The following NR2C2 variants were observed in gnomAD, a reference collection of about 807,000 sequenced individuals.
NR2C2 encodes the protein Nuclear hormone receptor TR4.
A neutral mutation model predicts 62.9 loss-of-function variants in NR2C2; 6 were observed. The ratio of observed to expected loss-of-function variants is 0.10; its 90% confidence interval spans 0.05 to 0.19. NR2C2 has a LOEUF of 0.19. Among genes scored for constraint, NR2C2 ranks in the 10% least tolerant of loss-of-function variants. The probability of loss-of-function intolerance (pLI) is 1.00; values close to 1 mark genes in which losing one functional copy is unlikely to be tolerated. For missense variants in NR2C2, 479 were observed against 762.7 expected (o/e 0.63, Z 4.38); for synonymous variants, 272 against 273.8 (o/e 0.99, Z 0.07).
intron 1 of NR2C2, among the ~76,000 whole-genome samples, chr3:14,986,748 C>T (rs557826531): frequency 6.6e-6 from 1 of 152,236 alleles, no homozygotes; most frequent in South Asian, 2.1e-4. Context: ...AATAAAAAAT[C>T]AAAAATTAGC....
intron 1 of NR2C2, among the ~76,000 whole-genome samples, chr3:14,979,858 T>G (rs1467338459): frequency 6.6e-6 from 1 of 151,944 alleles, no homozygotes; most frequent in Non-Finnish European, 1.5e-5. Context: ...TAAAATATAT[T>G]TTGGGGAGGT....
At chr3:14,948,672 C>T (rs1330745418) in intron 1 of NR2C2, 1 of 152,898 alleles carries the variant, frequency 6.5e-6, no homozygotes, top group African/African-American at 2.4e-5. Context: ...AGGTGGGCTG[C>T]TTCCCTCCGC....
intron 1 of NR2C2, among the ~76,000 whole-genome samples, chr3:14,980,730 T>C (rs1384934035): frequency 6.6e-6 from 1 of 152,188 alleles, no homozygotes; most frequent in Non-Finnish European, 1.5e-5. Context: ...GGTAGCTTTA[T>C]GGCAGGGGTT....
intron 11 of NR2C2, among the ~76,000 whole-genome samples, chr3:15,037,308 C>A (rs1175686417): frequency 1.3e-5 from 2 of 151,950 alleles, no homozygotes; most frequent in Non-Finnish European, 2.9e-5. Flanking sequence ...TGGCCTCAAG[C>A]AGGCCTCCTG....
At chr3:14,951,183 CAG>C (rs2039346223) in intron 1 of NR2C2, among the ~76,000 whole-genome samples, 1 of 152,184 alleles carries the variant, frequency 6.6e-6, no homozygotes, top group Non-Finnish European at 1.5e-5. Flanking sequence ...CTCACCATCA[CAG>C]GGGATTGGAG....
At chr3:15,006,362 A>C (rs1235626875) in intron 2 of NR2C2, among the ~76,000 whole-genome samples, 1 of 152,124 alleles carries the variant, frequency 6.6e-6, no homozygotes, top group Non-Finnish European at 1.5e-5. Flanking sequence ...TTTAGTCAAT[A>C]ATCTTTGCTA....
At chr3:14,975,870 C>T (rs2040189117) in intron 1 of NR2C2, among the ~76,000 whole-genome samples, 1 of 152,098 alleles carries the variant, frequency 6.6e-6, no homozygotes, top group East Asian at 1.9e-4. Flanking sequence ...TTTTTGATTA[C>T]TTATTCTATC....
rs1457607751 is a variant in NR2C2 at position 15,045,348 on chromosome 3, T to TAGGCTGCTTAGACTC, written c.*2347_*2361dup. The TAGGCTGCTTAGACTC allele has an allele frequency of 1.3e-5, 2 of 152,672 alleles. No individual in the cohort carries two copies. Among genetic ancestry groups the TAGGCTGCTTAGACTC allele is most frequent in the African/African-American group, 2.4e-5 (1 of 41,464 alleles). The allele number at this position is 152,672 out of a possible 1,614,324, so 9.5% of individuals were successfully genotyped here. ...TCCCAGGTCATTCAGTGGCAGCCAGTAGGCTGCTTAGACTCAGGCTGGATA... is the reference window on the plus strand; with the variant it reads ...TCCCAGGTCATTCAGTGGCAGCCAGTAGGCTGCTTAGACTCAGGCTGCTTAGACTCAGGCTGGATA... On this transcript the variant is annotated 3_prime_UTR_variant, in exon 14 of 14. Coordinates refer to ENST00000425241, the MANE Select transcript of NR2C2 (RefSeq NM_001291694.2).
chr3:14,986,161 A>G (rs1025856943), intron 1 of NR2C2, among the ~76,000 whole-genome samples: 4 of 152,120 alleles, frequency 2.6e-5, no homozygotes, highest in African/African-American at 9.7e-5. Context: ...CTCATAGAAA[A>G]TAAAAGCATT....
At chr3:14,978,756 A>G (rs2040279047) in intron 1 of NR2C2, among the ~76,000 whole-genome samples, 1 of 152,196 alleles carries the variant, frequency 6.6e-6, no homozygotes. Flanking sequence ...ACCGAAGAAC[A>G]GGGCCGCCCT....
chr3:15,023,468 G>A (rs974835705), intron 6 of NR2C2, 121 bp downstream of exon 6: 1 of 1,094,886 alleles, frequency 9.1e-7, no homozygotes, highest in Non-Finnish European at 1.3e-6. Context: ...GCGTTGTGTT[G>A]CCTAATTCTG....
chr3:15,029,178 C>G (rs1190647348), intron 8 of NR2C2, among the ~76,000 whole-genome samples: 1 of 150,304 alleles, frequency 6.7e-6, no homozygotes, highest in African/African-American at 2.5e-5. Context: ...CTCTTGGGCT[C>G]AAGTGATCTT....
In NR2C2 at chr3:15,016,047, C is replaced by T. The variant is rs1333901021; in HGVS notation, c.274-105C>T. On this transcript the variant is annotated intron_variant, in intron 3 of 13. Coordinates refer to ENST00000425241, the MANE Select transcript of NR2C2 (RefSeq NM_001291694.2). ...GAACTCCCGACCTCAAGTGATCCAC[C>T]CACCTCAGCCTCCCAAAGTGCTGGG... is the stretch of plus-strand genomic sequence containing the variant. The T allele has an allele frequency of 3.8e-6, 3 of 795,786 alleles. No individual in the cohort carries two copies. The Admixed American group carries it at 5.9e-5, about 16-fold the overall frequency. The allele number at this position is 795,786 out of a possible 1,614,324, so 49.3% of individuals were successfully genotyped here.
chr3:15,035,054 A>C (rs1367246477), intron 11 of NR2C2, among the ~76,000 whole-genome samples: 1 of 152,202 alleles, frequency 6.6e-6, no homozygotes, highest in East Asian at 1.9e-4. Flanking sequence ...ACACTTTGTT[A>C]GGCCAGGCAG....
intron 1 of NR2C2, among the ~76,000 whole-genome samples, chr3:14,965,273 C>T (rs115947873): frequency 0.016 from 2,409 of 152,118 alleles, 66 homozygotes; most frequent in African/African-American, 0.054. Context: ...GTGTTTCCAC[C>T]TGAGGCTGAT....
intron 1 of NR2C2, among the ~76,000 whole-genome samples, chr3:14,990,693 T>A (rs2040645557): frequency 6.6e-6 from 1 of 152,182 alleles, no homozygotes; most frequent in Non-Finnish European, 1.5e-5. Context: ...ATGGTAAGTG[T>A]GAGTGTCCTA....
chr3:15,032,324 A>G, intron 9 of NR2C2, 55 bp from the exon 10 acceptor site: 1 of 1,612,826 alleles, frequency 6.2e-7, no homozygotes, highest in Admixed American at 1.7e-5. Flanking sequence ...TTGACAGACA[A>G]AGCCATCCCC....
At chr3:15,036,085 G>A (rs2042095727) in intron 11 of NR2C2, among the ~76,000 whole-genome samples, 1 of 152,042 alleles carries the variant, frequency 6.6e-6, no homozygotes, top group Non-Finnish European at 1.5e-5. Flanking sequence ...AGCTACTCGG[G>A]AGGCTGAGGC....
intron 1 of NR2C2, among the ~76,000 whole-genome samples, chr3:14,963,594 G>A (rs1318902512): frequency 1.3e-5 from 2 of 151,574 alleles, no homozygotes. Context: ...TCAGCCTCCC[G>A]AGTAGCTGGG....
Sources: allele counts gnomAD v4.1 joint callset (sites outside exome capture counted in the v4.1 genomes callset), GRCh38; gene constraint gnomAD v4.1.1; transcripts MANE v1.5; gene names NCBI Gene and HGNC (gene_info 2026-07-23, HGNC 2026-07-21).